Variants in USP21 observed in about 807,000 individuals in gnomAD.
USP21 encodes ubiquitin carboxyl-terminal hydrolase 21.
A neutral mutation model predicts 70.8 loss-of-function variants in USP21; 37 were observed. The observed-to-expected ratio is 0.52, with a 90% CI of 0.40 to 0.69. The LOEUF (loss-of-function observed/expected upper bound fraction) is 0.69, where lower values mean the gene tolerates loss of function less well. Ranked by LOEUF, USP21 falls within the 30% of genes least tolerant of loss-of-function variation. USP21 has a pLI of 0.00. For missense variants in USP21, 584 were observed against 740.8 expected, an observed-to-expected ratio of 0.79 and a Z score of 2.46; for synonymous variants, 263 against 283.1, an observed-to-expected ratio of 0.93 and a Z score of 0.71.
In USP21 at chr1:161,164,549, C is replaced by T. The variant is rs767763815; in HGVS notation, c.1321C>T (p.Arg441Trp). The T allele has an allele frequency of 2.5e-6, 4 of 1,614,148 alleles. No homozygotes were observed. The highest frequency in any genetic ancestry group is 2.2e-5 in the East Asian group (1 of 44,890). Residue 441 changes from arginine to tryptophan, a missense_variant, in exon 11 of 14, where the codon CGG becomes TGG. This residue lies in a region of USP21 where 173 missense variants were observed against 268.2 expected (regional missense o/e 0.65). Coordinates refer to ENST00000368002, the MANE Select transcript of USP21 (RefSeq NM_001014443.3). This position sits in a 1 kb window ranked among gnomAD's most constrained non-coding sequence, Gnocchi z 4.2. The stretch of plus-strand genomic sequence containing the variant: ...ATTTATTCAGGTGTGTGACCGATGT[C>T]GGCAGAAAACTCGAAGTACCAAAAA... ...SENAPVCDRCRQKTRSTKKLT... is the reference protein window; with the variant it reads ...SENAPVCDRCWQKTRSTKKLT...
At chr1:161,159,882 T>C (rs1657762182) in intron 1 of USP21, among the ~76,000 whole-genome samples, 1 of 152,086 alleles carries the variant, frequency 6.6e-6, no homozygotes, top group African/African-American at 2.4e-5. Context: ...CTTTCTGCCC[T>C]CGAGGGGGGC....
chr1:161,164,396 C>T lies in USP21; in HGVS notation c.1306-138C>T. 1 of 1,300,662 alleles carries T rather than the reference C, an allele frequency of 7.7e-7. No individual in the cohort carries two copies. Among genetic ancestry groups the T allele is most frequent in the Non-Finnish European group, 1.1e-6 (1 of 909,908 alleles). The allele number at this position is 1,300,662 out of a possible 1,614,324, so 80.6% of individuals were successfully genotyped here. On this transcript the variant is annotated intron_variant, in intron 10 of 13. Coordinates refer to ENST00000368002, the MANE Select transcript of USP21 (RefSeq NM_001014443.3). The surrounding 1 kb of genome is among the most constrained non-coding windows in gnomAD (Gnocchi z 4.2). ...TTGGAGTCTCAGATCTGTTCTAGTA[C>T]TCCTAGAGCAAAGGGGAGAAGCCAA...
chr1:161,164,107 G>T lies in USP21; in HGVS notation c.1219-57G>T. 1 of 1,598,272 alleles carries T rather than the reference G, an allele frequency of 6.3e-7. No individual in the cohort carries two copies. Among genetic ancestry groups the T allele is most frequent in the East Asian group, 2.2e-5 (1 of 44,786 alleles). On this transcript the variant is annotated intron_variant, in intron 9 of 13. Transcript: ENST00000368002. The surrounding 1 kb of genome is among the most constrained non-coding windows in gnomAD (Gnocchi z 4.2). ...CAGAACTGAAGCCTGGATTGATTGA[G>T]AAGAGTTGGAAAAGGAAATTCAGAA...
chr1:161,165,451 C>T lies in USP21; in HGVS notation c.*4C>T, dbSNP rs1191457758. On this transcript the variant is annotated 3_prime_UTR_variant, in exon 14 of 14. Transcript: ENST00000368002. ...GGAGCCACCCCGGTGCCTGTGACAC[C>T]TCTAAGCTCTGGCACCTGTGAAGCC... The T allele has an allele frequency of 1.2e-6, 2 of 1,611,980 alleles. No individual in the cohort carries two copies. Among genetic ancestry groups the T allele is most frequent in the East Asian group, 2.2e-5 (1 of 44,868 alleles).
chr1:161,165,223 A>C, intron 13 of USP21, 80 bp downstream of exon 13: 1 of 1,459,418 alleles, frequency 6.9e-7, no homozygotes, highest in East Asian at 2.3e-5. Context: ...GCTCCAGGAG[A>C]GCAGAGTGCC....
chr1:161,162,497 T>G lies in USP21; in HGVS notation c.781+107T>G. Reference sequence around the variant, plus strand: ...CCCCAACCCTTAAATCTGGCAGTTGTATCTACTTTTCCCAGTGCCTACTTT... The same window carrying G: ...CCCCAACCCTTAAATCTGGCAGTTGGATCTACTTTTCCCAGTGCCTACTTT... On this transcript the variant is annotated intron_variant, in intron 5 of 13. Transcript: ENST00000368002. The surrounding 1 kb of genome is among the most constrained non-coding windows in gnomAD (Gnocchi z 4.1). 6.5e-7 allele frequency: 1 copy of G among 1,549,830 alleles called. No individual in the cohort carries two copies. The highest frequency in any genetic ancestry group is 8.8e-7 in the Non-Finnish European group (1 of 1,133,034).
In USP21 at chr1:161,161,960, G is replaced by A. The variant is rs1657959996; in HGVS notation, c.601-78G>A. On this transcript the variant is annotated intron_variant, in intron 3 of 13. Coordinates refer to ENST00000368002, the MANE Select transcript of USP21 (RefSeq NM_001014443.3). The surrounding 1 kb of genome is among the most constrained non-coding windows in gnomAD (Gnocchi z 4.2). ...AAACATGCATGGGATGGGGGAGGCA[G>A]TGGGCAGCATGCTGTTGAAAGGTTA... is the stretch of plus-strand genomic sequence containing the variant. The A allele has an allele frequency of 7.2e-7, 1 of 1,391,900 alleles. No homozygotes were observed. The allele number at this position is 1,391,900 out of a possible 1,614,324, so 86.2% of individuals were successfully genotyped here.
intron 1 of USP21, among the ~76,000 whole-genome samples, chr1:161,159,926 G>T (rs1657767019): frequency 6.6e-6 from 1 of 152,236 alleles, no homozygotes; most frequent in Non-Finnish European, 1.5e-5. Flanking sequence ...GGTGGGAGAA[G>T]TGCAGAGATT....
In USP21 at chr1:161,161,800, A is replaced by G; in HGVS notation, c.601-238A>G. 1 of 565,534 alleles carries G rather than the reference A, an allele frequency of 1.8e-6. No homozygotes were observed. Among genetic ancestry groups the G allele is most frequent in the Non-Finnish European group, 3.2e-6 (1 of 314,568 alleles). 35.0% of individuals were successfully genotyped at this position (565,534 alleles called of 1,614,324 possible). ...GCAACGTCAGCTAGCTGAGCAGAGGAGTAAGTGGGCAACAGGTGGGACAGC... is the reference window on the plus strand; with the variant it reads ...GCAACGTCAGCTAGCTGAGCAGAGGGGTAAGTGGGCAACAGGTGGGACAGC... On this transcript the variant is annotated intron_variant, in intron 3 of 13. Coordinates refer to ENST00000368002, the MANE Select transcript of USP21 (RefSeq NM_001014443.3). This position sits in a 1 kb window ranked among gnomAD's most constrained non-coding sequence, Gnocchi z 4.2.
rs112781641 is a variant in USP21 at position 161,163,410 on chromosome 1, T to C, written c.1050-145T>C. The C allele has an allele frequency of 3.5e-5, 26 of 751,736 alleles. 2 individuals carry two copies. Among genetic ancestry groups the C allele is most frequent in the African/African-American group, 2.8e-4 (16 of 56,924 alleles). The allele number at this position is 751,736 out of a possible 1,614,324, so 46.6% of individuals were successfully genotyped here. On this transcript the variant is annotated intron_variant, in intron 7 of 13. Coordinates refer to ENST00000368002, the MANE Select transcript of USP21 (RefSeq NM_001014443.3). ...CCTAGAAAGTTCATTGAGGCATTAT[T>C]CTTTTGACTTTTCCTTGAAATTTAG...
Position 161,165,672 on chromosome 1 carries a change from C to T in USP21, c.*225C>T, listed in dbSNP as rs1658663705. 4 of 462,706 alleles carry T rather than the reference C, an allele frequency of 8.6e-6. No homozygotes were observed. Among genetic ancestry groups the T allele is most frequent in the Admixed American group, 3.6e-5 (1 of 27,984 alleles). The allele number at this position is 462,706 out of a possible 1,614,324, so 28.7% of individuals were successfully genotyped here. On this transcript the variant is annotated 3_prime_UTR_variant, in exon 14 of 14. Coordinates refer to ENST00000368002, the MANE Select transcript of USP21 (RefSeq NM_001014443.3). ...CACCAAGCCCCTGCCCATGTACAGC[C>T]CCCAGACCCTCTGCAATATCACTTT... is the stretch of plus-strand genomic sequence containing the variant.
At chr1:161,163,739 C>A in intron 8 of USP21, 120 bp downstream of exon 8, 1 of 1,354,984 alleles carries the variant, frequency 7.4e-7, no homozygotes, top group Non-Finnish European at 1.1e-6. Context: ...AAATGTGAAG[C>A]TGTGTGAAGA....
rs1657975335 is a variant in USP21 at position 161,162,156 on chromosome 1, G to A, written c.660+59G>A. 6.2e-7 allele frequency: 1 copy of A among 1,612,874 alleles called. No homozygotes were observed. Among genetic ancestry groups the A allele is most frequent in the Middle Eastern group, 1.6e-4 (1 of 6,062 alleles). ...AGGAATGTGAAATGGTGCTGGGGGT[G>A]GGGAAAACCCACGAGCTTGGGGAAG... On this transcript the variant is annotated intron_variant, in intron 4 of 13. Coordinates refer to ENST00000368002, the MANE Select transcript of USP21 (RefSeq NM_001014443.3). The surrounding 1 kb of genome is among the most constrained non-coding windows in gnomAD (Gnocchi z 4.1).
chr1:161,163,860 C>T lies in USP21; in HGVS notation c.1115-18C>T, dbSNP rs1211916503. On this transcript the variant is annotated intron_variant, in intron 8 of 13. Transcript: ENST00000368002. ...ATCCAACAATGACCTTTTCTCCTGT[C>T]CCTGTGCTTCTGTCTAGACCTGTTT... 1.9e-6 allele frequency: 3 copies of T among 1,605,988 alleles called. No homozygotes were observed. Among genetic ancestry groups the T allele is most frequent in the South Asian group, 2.2e-5 (2 of 90,904 alleles).
Position 161,165,249 on chromosome 1 carries a change from T to C in USP21, c.1607+106T>C. 4 of 1,409,784 alleles carry C rather than the reference T, an allele frequency of 2.8e-6. No homozygotes were observed. The African/African-American group carries it at 5.7e-5, about 20-fold the overall frequency. 87.3% of individuals were successfully genotyped at this position (1,409,784 alleles called of 1,614,324 possible). ...GCAGAGTGCCAGGTGAAAGGAGAGG[T>C]GGAGGTCTTGCCTGATCATTTCCTG... On this transcript the variant is annotated intron_variant, in intron 13 of 13. Coordinates refer to ENST00000368002, the MANE Select transcript of USP21 (RefSeq NM_001014443.3).
Position 161,160,631 on chromosome 1 carries a change from G to T in USP21, c.-10G>T, listed in dbSNP as rs745980122. ...TCTTCTCCTCCCAGGTCCAGCCTGT[G>T]GTGTCCACAATGCCCCAGGCCTCTG... On this transcript the variant is annotated 5_prime_UTR_variant, in exon 3 of 14. Coordinates refer to ENST00000368002, the MANE Select transcript of USP21 (RefSeq NM_001014443.3). 6.2e-7 allele frequency: 1 copy of T among 1,609,032 alleles called. No homozygotes were observed.
At chr1:161,160,589 T>C in intron 2 of USP21, 31 bp from the exon 3 acceptor site, 2 of 1,575,138 alleles carry the variant, frequency 1.3e-6, no homozygotes, top group East Asian at 2.3e-5. Flanking sequence ...TCCCCCCATA[T>C]TCAAATGCTG....
Position 161,162,532 on chromosome 1 carries a change from TA to T in USP21, c.782-82del. 6.5e-7 allele frequency: 1 copy of T among 1,537,732 alleles called. No homozygotes were observed. Among genetic ancestry groups the T allele is most frequent in the Non-Finnish European group, 9.0e-7 (1 of 1,114,056 alleles). On this transcript the variant is annotated intron_variant, in intron 5 of 13. Coordinates refer to ENST00000368002, the MANE Select transcript of USP21 (RefSeq NM_001014443.3). This position sits in a 1 kb window ranked among gnomAD's most constrained non-coding sequence, Gnocchi z 4.1. ...TCCCAGTGCCTACTTTCCTAAAGGT[TA>T]TTTTCTACCCTCTGAGCCACCTTTT...
chr1:161,164,386 T>C lies in USP21; in HGVS notation c.1305+136T>C. The C allele has an allele frequency of 7.7e-7, 1 of 1,303,704 alleles. No homozygotes were observed. The highest frequency in any genetic ancestry group is 1.2e-5 in the South Asian group (1 of 80,744). 80.8% of individuals were successfully genotyped at this position (1,303,704 alleles called of 1,614,324 possible). On this transcript the variant is annotated intron_variant, in intron 10 of 13. Coordinates refer to ENST00000368002, the MANE Select transcript of USP21 (RefSeq NM_001014443.3). This position sits in a 1 kb window ranked among gnomAD's most constrained non-coding sequence, Gnocchi z 4.2. ...TGGGTTTGTGTTGGAGTCTCAGATCTGTTCTAGTACTCCTAGAGCAAAGGG... is the reference window on the plus strand; with the variant it reads ...TGGGTTTGTGTTGGAGTCTCAGATCCGTTCTAGTACTCCTAGAGCAAAGGG...
Sources: gnomAD v4.1 joint callset for allele counts (sites outside exome capture counted in the v4.1 genomes callset) on GRCh38, gnomAD v4.1.1 for gene constraint, gnomAD v4.1.1 regional missense constraint, Gnocchi (gnomAD v3.1) non-coding constraint, MANE v1.5 for transcripts, NCBI Gene and HGNC (gene_info 2026-07-23, HGNC 2026-07-21) for gene names.